The following PXDNL variants were observed in gnomAD, a reference collection of about 807,000 sequenced individuals.
The protein encoded by PXDNL is probable oxidoreductase PXDNL.
PXDNL carries 145 observed loss-of-function variants against 150.8 expected under a neutral mutation model. The ratio of observed to expected loss-of-function variants is 0.96; its 90% CI spans 0.84 to 1.10. The LOEUF (loss-of-function observed/expected upper bound fraction) is 1.10, where lower values mean the gene tolerates loss of function less well. PXDNL is among the 50% of genes least tolerant of loss of function. The pLI is 0.00. For synonymous variants in PXDNL, 757 were observed against 725.7 expected, an observed-to-expected ratio of 1.04 and a Z score of -0.69; for missense variants, 2,087 against 1,873.9, an observed-to-expected ratio of 1.11 and a Z score of -2.10.
intron 1 of PXDNL, among the ~76,000 whole-genome samples, chr8:51,755,545 G>A (rs939560381): frequency 1.3e-5 from 2 of 152,104 alleles, no homozygotes; most frequent in Non-Finnish European, 2.9e-5. Context: ...ACCTGCCTCG[G>A]CCTCCCAAAG....
intron 2 of PXDNL, among the ~76,000 whole-genome samples, chr8:51,619,413 G>A (rs1417303374): frequency 6.6e-6 from 1 of 152,188 alleles, no homozygotes; most frequent in Non-Finnish European, 1.5e-5. Flanking sequence ...AGAAGAATCT[G>A]AGCAGACAGG....
At chr8:51,696,819 A>AGGTC (rs1816150937) in intron 1 of PXDNL, among the ~76,000 whole-genome samples, 3 of 230 alleles carry the variant, frequency 0.013, no homozygotes, top group African/African-American at 0.021. Context: ...ACACACACAC[A>AGGTC]CACACACACA....
intron 17 of PXDNL, among the ~76,000 whole-genome samples, chr8:51,399,937 T>C (rs934257436): frequency 7.9e-5 from 12 of 152,242 alleles, no homozygotes; most frequent in African/African-American, 2.9e-4. Flanking sequence ...TTTATTTCTG[T>C]AAGTGTTAGA....
intron 1 of PXDNL, among the ~76,000 whole-genome samples, chr8:51,673,020 A>G (rs549471727): frequency 6.6e-6 from 1 of 152,250 alleles, no homozygotes; most frequent in South Asian, 2.1e-4. Flanking sequence ...AGGAGAAACG[A>G]TTGAAAAAAA....
chr8:51,333,072 T>C (rs888257658), intron 21 of PXDNL, among the ~76,000 whole-genome samples: 4 of 152,144 alleles, frequency 2.6e-5, no homozygotes, highest in Non-Finnish European at 5.9e-5. Context: ...GAAAGAATCT[T>C]AAGAGCTGTG....
intron 17 of PXDNL, among the ~76,000 whole-genome samples, chr8:51,386,814 A>T (rs2130825794): frequency 6.7e-6 from 1 of 150,368 alleles, no homozygotes; most frequent in East Asian, 2.0e-4. Context: ...ACAGAGCAAG[A>T]CTTCATCTTG....
At chr8:51,462,722 A>T (rs888164183) in intron 8 of PXDNL, among the ~76,000 whole-genome samples, 3 of 152,242 alleles carry the variant, frequency 2.0e-5, no homozygotes, top group Non-Finnish European at 4.4e-5. Flanking sequence ...CTGGGAAAAC[A>T]TATCTGAGAA....
In PXDNL at chr8:51,578,079, AGAAAAAG is replaced by A. The variant is rs1245569368; in HGVS notation, c.308+14541_308+14547del. 7.1e-3 allele frequency among the ~76,000 whole-genome samples: 1,021 copies of A among 143,004 alleles called. 59 individuals carry two copies. The highest frequency in any genetic ancestry group is 0.022 in the African/African-American group (752 of 34,254). 93.8% of individuals were successfully genotyped at this position (143,004 alleles called of 152,430 possible). A position where few individuals can be genotyped will look rare whatever the true frequency, so the allele number is the denominator to read the frequency against. ...GAAAGAAAGGAAAGAAAGAAAAGAA[AGAAAAAG>A]AGAAAGAAAGAAAGAAAAAGAAAGA... On this transcript the variant is annotated intron_variant, in intron 3 of 22. Coordinates refer to ENST00000356297, the MANE Select transcript of PXDNL (RefSeq NM_144651.5).
At chr8:51,805,472 T>C (rs1227805702) in intron 1 of PXDNL, among the ~76,000 whole-genome samples, 1 of 148,698 alleles carries the variant, frequency 6.7e-6, no homozygotes, top group Non-Finnish European at 1.5e-5. Context: ...ATTATATATA[T>C]ATAAAATGAA....
At chr8:51,665,782 T>C (rs550941216) in intron 1 of PXDNL, among the ~76,000 whole-genome samples, 2 of 152,354 alleles carry the variant, frequency 1.3e-5, no homozygotes, top group Admixed American at 6.5e-5. Context: ...CTTGCAGTTC[T>C]GTGCAGATCT....
chr8:51,550,950 A>T (rs947322386), intron 4 of PXDNL, among the ~76,000 whole-genome samples: 3 of 152,194 alleles, frequency 2.0e-5, no homozygotes, highest in African/African-American at 7.2e-5. Context: ...GATCTGATAA[A>T]TGAATTCAGT....
At chr8:51,794,771 G>T (rs888308197) in intron 1 of PXDNL, among the ~76,000 whole-genome samples, 4 of 152,054 alleles carry the variant, frequency 2.6e-5, no homozygotes, top group African/African-American at 9.7e-5. Context: ...AAAATAACCA[G>T]CCAACATCAT....
chr8:51,466,960 T>C (rs1018859297), intron 8 of PXDNL, among the ~76,000 whole-genome samples: 2 of 152,248 alleles, frequency 1.3e-5, no homozygotes, highest in African/African-American at 4.8e-5. Flanking sequence ...TAGATTAGTT[T>C]AGCCACTGCA....
chr8:51,495,605 C>G (rs1451405253), intron 5 of PXDNL, among the ~76,000 whole-genome samples: 1 of 152,134 alleles, frequency 6.6e-6, no homozygotes, highest in Non-Finnish European at 1.5e-5. Context: ...GATATCACCA[C>G]CGATCCCACA....
intron 17 of PXDNL, among the ~76,000 whole-genome samples, chr8:51,389,936 A>G (rs1807841622): frequency 6.6e-6 from 1 of 152,194 alleles, no homozygotes; most frequent in South Asian, 2.1e-4. Flanking sequence ...AAAACAAAGA[A>G]AAGGTTTTAA....
intron 1 of PXDNL, among the ~76,000 whole-genome samples, chr8:51,733,533 T>G (rs954620740): frequency 6.6e-6 from 1 of 151,948 alleles, no homozygotes; most frequent in East Asian, 1.9e-4. Context: ...ACAGGCCAGG[T>G]ATGGTAGCTG....
intron 11 of PXDNL, 112 bp downstream of exon 11, chr8:51,448,890 T>C (rs1809741821): frequency 1.4e-6 from 1 of 710,526 alleles, no homozygotes; most frequent in Non-Finnish European, 2.6e-6. Context: ...TTCTGTGTAA[T>C]TTTTTCATGT....
intron 12 of PXDNL, among the ~76,000 whole-genome samples, chr8:51,427,089 A>G (rs191297778): frequency 4.5e-4 from 69 of 152,248 alleles, no homozygotes; most frequent in African/African-American, 1.6e-3. Context: ...AAATAAAACT[A>G]TACGGTAACA....
intron 20 of PXDNL, among the ~76,000 whole-genome samples, chr8:51,341,720 T>A (rs1563365281): frequency 6.6e-6 from 1 of 152,228 alleles, no homozygotes; most frequent in Non-Finnish European, 1.5e-5. Flanking sequence ...AATATCTTCC[T>A]TTTGTGACTG....
Sources: allele counts gnomAD v4.1 joint callset (sites outside exome capture counted in the v4.1 genomes callset), GRCh38; gene constraint gnomAD v4.1.1; transcripts MANE v1.5; gene names NCBI Gene and HGNC (gene_info 2026-07-23, HGNC 2026-07-21).